Variants in RPS6KA2 observed in about 807,000 individuals in gnomAD.
The protein encoded by RPS6KA2 is ribosomal protein S6 kinase alpha-2.
RPS6KA2 carries 42 observed loss-of-function variants against 91.8 expected under a neutral mutation model. The observed-to-expected ratio is 0.46, with a 90% CI of 0.36 to 0.59. The LOEUF (loss-of-function observed/expected upper bound fraction) is 0.59, where lower values mean the gene tolerates loss of function less well. Among genes scored for constraint, RPS6KA2 ranks in the 20% least tolerant of loss-of-function variants. RPS6KA2 has a pLI of 0.00. For missense variants in RPS6KA2, 798 were observed against 978.5 expected (o/e 0.82, Z 2.46); for synonymous variants, 414 against 393.6 (o/e 1.05, Z -0.61).
At chr6:166,462,073 G>A (rs866056380) in intron 11 of RPS6KA2, among the ~76,000 whole-genome samples, 14 of 152,234 alleles carry the variant, frequency 9.2e-5, no homozygotes, top group Non-Finnish European at 1.6e-4. Flanking sequence ...ACAGCATCGC[G>A]CAGGTGCCAC....
intron 2 of RPS6KA2, among the ~76,000 whole-genome samples, chr6:166,744,346 G>C (rs1314382465): frequency 7.5e-6 from 1 of 133,206 alleles, no homozygotes; most frequent in African/African-American, 3.3e-5. Flanking sequence ...GTGCCTCTGG[G>C]CCATGCTGGC....
Position 166,737,473 on chromosome 6 carries a change from GCAGA to G in RPS6KA2, c.123+120723_123+120726del, listed in dbSNP as rs1040271708. On this transcript the variant is annotated intron_variant, in intron 2 of 21. Coordinates refer to the RPS6KA2 transcript ENST00000503859. This position sits in a 1 kb window ranked among gnomAD's most constrained non-coding sequence, Gnocchi z 4.3. ...CTTACTCATTTATAATCAGCATCAAGCAGACAGTGAAAAATCTATAAATTAGAGA... is the reference window on the plus strand; with the variant it reads ...CTTACTCATTTATAATCAGCATCAAGCAGTGAAAAATCTATAAATTAGAGA... 6.6e-6 allele frequency among the ~76,000 whole-genome samples: 1 copy of G among 152,158 alleles called. No individual in the cohort carries two copies. The highest frequency in any genetic ancestry group is 1.5e-5 in the Non-Finnish European group (1 of 68,040).
chr6:166,594,150 TG>T (rs1269740101), intron 1 of RPS6KA2, among the ~76,000 whole-genome samples: 2 of 152,208 alleles, frequency 1.3e-5, no homozygotes, highest in Non-Finnish European at 2.9e-5. Flanking sequence ...CTTGTATGTG[TG>T]GAATATTTAA....
intron 2 of RPS6KA2, among the ~76,000 whole-genome samples, chr6:166,735,280 A>C (rs1583060970): frequency 6.6e-6 from 1 of 152,214 alleles, no homozygotes; most frequent in African/African-American, 2.4e-5. Context: ...ACAAAACAAA[A>C]CAAAAAACTG....
intron 2 of RPS6KA2, among the ~76,000 whole-genome samples, chr6:166,681,684 C>T (rs1288553129): frequency 3.3e-5 from 1 of 30,016 alleles, no homozygotes; most frequent in Non-Finnish European, 6.2e-5. Flanking sequence ...GGATCTCCCC[C>T]TGCCCGCCCC....
At chr6:166,706,982 T>C (rs1000203392) in intron 2 of RPS6KA2, among the ~76,000 whole-genome samples, 4 of 152,308 alleles carry the variant, frequency 2.6e-5, no homozygotes, top group African/African-American at 9.6e-5. Flanking sequence ...GTGACAGCCA[T>C]TCAAATGGAT....
At position 166,695,809 on chromosome 6, in the gene RPS6KA2, G is replaced by A. The variant is rs1256481171; in HGVS notation, c.124-157025C>T. 1.3e-5 allele frequency among the ~76,000 whole-genome samples: 2 copies of A among 151,412 alleles called. 1 individual carries two copies. Among genetic ancestry groups the A allele is most frequent in the African/African-American group, 4.9e-5 (2 of 40,798 alleles). On this transcript the variant is annotated intron_variant, in intron 2 of 21. Coordinates refer to the RPS6KA2 transcript ENST00000503859. ...CTCACAGGAGCACTGGATTCTCATA[G>A]GAGCACTGGATTCTCACAGGAGCAC...
chr6:166,520,113 G>C (rs1016602534), intron 3 of RPS6KA2, among the ~76,000 whole-genome samples: 3 of 152,172 alleles, frequency 2.0e-5, no homozygotes, highest in Admixed American at 2.0e-4. Flanking sequence ...ATGTTTTCCA[G>C]CCCTCGGACA....
intron 2 of RPS6KA2, among the ~76,000 whole-genome samples, chr6:166,841,639 G>C (rs548390417): frequency 6.6e-6 from 1 of 152,274 alleles, no homozygotes; most frequent in African/African-American, 2.4e-5. Context: ...GCCCACAGCC[G>C]AAGGCCTGCA....
intron 3 of RPS6KA2, among the ~76,000 whole-genome samples, chr6:166,528,622 G>A (rs911232847): frequency 1.1e-4 from 16 of 151,566 alleles, no homozygotes; most frequent in African/African-American, 3.6e-4. Context: ...TACCATCAGA[G>A]TCAACAGGCA....
rs1233956099 is a variant in RPS6KA2, at chr6:166,797,216, C to T, written c.123+60984G>A. Among the ~76,000 whole-genome samples, 6 of 152,310 alleles carry T rather than the reference C, an allele frequency of 3.9e-5. 1 individual carries two copies. In the South Asian group the frequency reaches 1.2e-3, roughly 32 times the overall value. On this transcript the variant is annotated intron_variant, in intron 2 of 21. Transcript: ENST00000503859. ...CCCAGGGAGGGAGGCACCCCACATC[C>T]GTGCTGGGGACATTGTGCAGGATGG... is the stretch of plus-strand genomic sequence containing the variant.
chr6:166,706,105 C>T (rs901849002), intron 2 of RPS6KA2, among the ~76,000 whole-genome samples: 7 of 152,158 alleles, frequency 4.6e-5, no homozygotes, highest in African/African-American at 1.4e-4. Flanking sequence ...CTGTGAGAAA[C>T]GAATTTCTGT....
At chr6:166,523,562 T>C (rs1782928844) in intron 3 of RPS6KA2, among the ~76,000 whole-genome samples, 1 of 152,194 alleles carries the variant, frequency 6.6e-6, no homozygotes, top group African/African-American at 2.4e-5. Flanking sequence ...ATAAAGATGA[T>C]GATTTATAAA....
At chr6:166,502,013 A>T (rs1041984225) in intron 6 of RPS6KA2, among the ~76,000 whole-genome samples, 10 of 152,236 alleles carry the variant, frequency 6.6e-5, no homozygotes, top group East Asian at 1.9e-4. Context: ...TATGGTCCCT[A>T]GAGGGGCCAG....
chr6:166,697,176 C>T (rs551667235), intron 2 of RPS6KA2, among the ~76,000 whole-genome samples: 1 of 151,754 alleles, frequency 6.6e-6, no homozygotes, highest in East Asian at 1.9e-4. Context: ...CCTAATACAC[C>T]AGCTACAGAG....
intron 10 of RPS6KA2, among the ~76,000 whole-genome samples, chr6:166,471,519 CT>C (rs1327516948): frequency 5.3e-5 from 8 of 152,248 alleles, no homozygotes; most frequent in Non-Finnish European, 1.2e-4. Flanking sequence ...GCACTCTCAG[CT>C]TTGTGTTATT....
rs3071135 is a variant in RPS6KA2 at position 166,726,129 on chromosome 6, ATTT to A, written c.123+132068_123+132070del. ...ATGCCCTTAGGCTACAATATAGAAGATTTTTTTTTTTTTTTAGTTTAAAATCTT... is the reference window on the plus strand; with the variant it reads ...ATGCCCTTAGGCTACAATATAGAAGATTTTTTTTTTTTAGTTTAAAATCTT... On this transcript the variant is annotated intron_variant, in intron 2 of 21. Coordinates refer to the RPS6KA2 transcript ENST00000503859. The surrounding 1 kb of genome is among the most constrained non-coding windows in gnomAD (Gnocchi z 4.4). 0.25 allele frequency among the ~76,000 whole-genome samples: 37,587 copies of A among 148,150 alleles called. 4,633 individuals are homozygous for A. Among genetic ancestry groups the A allele is most frequent in the African/African-American group, 0.29 (11,947 of 40,864 alleles).
At chr6:166,647,227 A>G (rs1375880050) in intron 2 of RPS6KA2, among the ~76,000 whole-genome samples, 3 of 152,052 alleles carry the variant, frequency 2.0e-5, no homozygotes, top group Non-Finnish European at 4.4e-5. Flanking sequence ...CAGTTCTTCA[A>G]ATCATCCTGA....
chr6:166,617,417 G>GAT (rs1786453578), intron 1 of RPS6KA2, among the ~76,000 whole-genome samples: 1 of 152,094 alleles, frequency 6.6e-6, no homozygotes, highest in Non-Finnish European at 1.5e-5. Context: ...GTTATTGTAA[G>GAT]ATAACACTAG....
Sources: gnomAD v4.1 joint callset for allele counts (sites outside exome capture counted in the v4.1 genomes callset) on GRCh38, gnomAD v4.1.1 for gene constraint, Gnocchi (gnomAD v3.1) non-coding constraint, MANE v1.5 for transcripts, NCBI Gene and HGNC (gene_info 2026-07-23, HGNC 2026-07-21) for gene names.